HDAC9: variants seen among roughly 807,000 people sequenced by gnomAD.
HDAC9 encodes histone deacetylase 9.
Under a neutral mutation model 139.4 loss-of-function variants are expected in HDAC9, and 41 were observed. The ratio of observed to expected loss-of-function variants is 0.29; its 90% CI spans 0.23 to 0.38. The LOEUF is 0.38. Among genes scored for constraint, HDAC9 ranks in the 10% least tolerant of loss-of-function variants. HDAC9 has a pLI of 1.00. For missense variants in HDAC9, 1,147 were observed against 1,297.0 expected, an observed-to-expected ratio of 0.88 and a Z score of 1.78; for synonymous variants, 517 against 476.2, an observed-to-expected ratio of 1.09 and a Z score of -1.12.
intron 2 of HDAC9, among the ~76,000 whole-genome samples, chr7:18,560,117 A>G (rs1563279368): frequency 6.6e-6 from 1 of 152,124 alleles, no homozygotes; most frequent in Non-Finnish European, 1.5e-5. Context: ...TATTTCAAAC[A>G]TTTCTGGAGA....
intron 21 of HDAC9, among the ~76,000 whole-genome samples, chr7:18,850,118 A>T (rs1797179889): frequency 6.6e-6 from 1 of 152,066 alleles, no homozygotes; most frequent in Admixed American, 6.6e-5. Context: ...CAAATAAGCA[A>T]ACACGAAGCA....
chr7:18,212,066 A>C (rs184969210), intron 2 of HDAC9, among the ~76,000 whole-genome samples: 160 of 152,266 alleles, frequency 1.1e-3, no homozygotes, highest in African/African-American at 3.6e-3. Context: ...AAAAATTAGA[A>C]TGTCCAAGTC....
At chr7:18,835,151 C>G (rs1034841629) in intron 19 of HDAC9, among the ~76,000 whole-genome samples, 1 of 152,096 alleles carries the variant, frequency 6.6e-6, no homozygotes, top group African/African-American at 2.4e-5. Context: ...GTATAAATAT[C>G]TAATTGTACC....
intron 23 of HDAC9, chr7:18,949,213 A>G (rs2051921): frequency 0.65 from 132,383 of 205,014 alleles, 43,608 homozygotes; most frequent in African/African-American, 0.69. Flanking sequence ...TTCTTCACTG[A>G]GCTTTTTCTT....
intron 23 of HDAC9, among the ~76,000 whole-genome samples, chr7:18,953,559 A>G (rs537459788): frequency 2.0e-5 from 3 of 152,292 alleles, no homozygotes; most frequent in Non-Finnish European, 4.4e-5. Flanking sequence ...AGACATCTGC[A>G]TAGTTATGAA....
intron 2 of HDAC9, among the ~76,000 whole-genome samples, chr7:18,268,834 A>G (rs1213805074): frequency 6.6e-6 from 1 of 152,192 alleles, no homozygotes; most frequent in African/African-American, 2.4e-5. Flanking sequence ...AAAGGAACTG[A>G]TCAGAAGAAC....
chr7:18,353,946 C>T (rs1783055173), intron 1 of HDAC9, among the ~76,000 whole-genome samples: 1 of 152,092 alleles, frequency 6.6e-6, no homozygotes, highest in Non-Finnish European at 1.5e-5. Context: ...ACAGTGTGAC[C>T]TGTTTCACCT....
intron 15 of HDAC9, among the ~76,000 whole-genome samples, chr7:18,762,545 A>G (rs1462310870): frequency 1.3e-5 from 2 of 152,226 alleles, no homozygotes; most frequent in Non-Finnish European, 2.9e-5. Flanking sequence ...TTTTGCATAT[A>G]GAAAAAACTA....
chr7:18,098,253 T>G (rs1782635159), intron 1 of HDAC9, among the ~76,000 whole-genome samples: 1 of 152,358 alleles, frequency 6.6e-6, no homozygotes, highest in East Asian at 1.9e-4. Flanking sequence ...GTAGTTCTGC[T>G]GGAGCAAGAC....
At chr7:18,452,366 AATATC>A (rs1426123659) in intron 1 of HDAC9, among the ~76,000 whole-genome samples, 2 of 152,160 alleles carry the variant, frequency 1.3e-5, no homozygotes, top group African/African-American at 4.8e-5. Context: ...AACAAGCAGA[AATATC>A]AGAAGTGAGC....
chr7:18,308,546 T>C (rs1392573629), intron 1 of HDAC9, among the ~76,000 whole-genome samples: 1 of 152,162 alleles, frequency 6.6e-6, no homozygotes, highest in Non-Finnish European at 1.5e-5. Flanking sequence ...ATAAAAGTTT[T>C]GGTGTACTCA....
At chr7:18,391,040 G>T (rs1185899738) in intron 1 of HDAC9, among the ~76,000 whole-genome samples, 1 of 152,138 alleles carries the variant, frequency 6.6e-6, no homozygotes, top group Non-Finnish European at 1.5e-5. Flanking sequence ...AATGAGCCAA[G>T]ATTGTGCCAT....
intron 1 of HDAC9, among the ~76,000 whole-genome samples, chr7:18,342,871 G>A (rs534964856): frequency 1.3e-5 from 2 of 151,942 alleles, no homozygotes; most frequent in South Asian, 4.1e-4. Flanking sequence ...AAAGAGTGAA[G>A]TGGATCTACT....
chr7:18,193,495 G>T (rs574343112), intron 2 of HDAC9, among the ~76,000 whole-genome samples: 1 of 152,192 alleles, frequency 6.6e-6, no homozygotes, highest in Non-Finnish European at 1.5e-5. Flanking sequence ...AGGGGGTTTC[G>T]TTTGTCAAAG....
At chr7:18,235,217 G>A (rs1793735419) in intron 2 of HDAC9, among the ~76,000 whole-genome samples, 3 of 151,778 alleles carry the variant, frequency 2.0e-5, no homozygotes, top group Admixed American at 6.6e-5. Flanking sequence ...ATTTTTGTGT[G>A]GTATAAAAAA....
intron 2 of HDAC9, among the ~76,000 whole-genome samples, chr7:18,550,049 A>G (rs1016121041): frequency 6.6e-6 from 1 of 151,216 alleles, no homozygotes; most frequent in African/African-American, 2.4e-5. Flanking sequence ...TTTCAACTCA[A>G]TTTTAGTTAT....
At chr7:18,203,689 A>T (rs1234217137) in intron 2 of HDAC9, among the ~76,000 whole-genome samples, 2 of 152,198 alleles carry the variant, frequency 1.3e-5, no homozygotes, top group African/African-American at 4.8e-5. Context: ...AGAACAACAG[A>T]TTATGTTGAA....
rs997099081 is a variant in HDAC9, at chr7:18,999,966, C to G, written c.*3904C>G. 2 of 152,144 alleles carry G rather than the reference C, an allele frequency of 1.3e-5. No individual in the cohort carries two copies. Among genetic ancestry groups the G allele is most frequent in the African/African-American group, 4.8e-5 (2 of 41,430 alleles). 9.4% of individuals were successfully genotyped at this position (152,144 alleles called of 1,614,324 possible). On this transcript the variant is annotated 3_prime_UTR_variant, in exon 26 of 26. Transcript: ENST00000686413. The stretch of plus-strand genomic sequence containing the variant: ...CATTGTCATTTCTAGTGGCATGTAT[C>G]TTAACATTCTTTTCCTGCTTCAGGA...
intron 2 of HDAC9, among the ~76,000 whole-genome samples, chr7:18,272,042 G>A (rs1274279113): frequency 1.3e-5 from 2 of 152,144 alleles, no homozygotes; most frequent in Non-Finnish European, 2.9e-5. Flanking sequence ...CATTGAAAGC[G>A]CATTCATCAC....
Sources: allele counts gnomAD v4.1 joint callset (sites outside exome capture counted in the v4.1 genomes callset), GRCh38; gene constraint gnomAD v4.1.1; transcripts MANE v1.5; gene names NCBI Gene and HGNC (gene_info 2026-07-23, HGNC 2026-07-21).